Variants in MYH15 observed in about 807,000 individuals in gnomAD.
MYH15 encodes the protein myosin heavy chain 15, also known as myosin-15.
Under a neutral mutation model 240.5 loss-of-function variants are expected in MYH15, and 227 were observed. The observed-to-expected ratio is 0.94, with a 90% CI of 0.85 to 1.05. The LOEUF is 1.05. MYH15 is among the 50% of genes least tolerant of loss of function. MYH15 has a pLI of 0.00. For missense variants in MYH15, 2,217 were observed against 2,247.5 expected, an observed-to-expected ratio of 0.99 and a Z score of 0.27; for synonymous variants, 785 against 796.7, an observed-to-expected ratio of 0.99 and a Z score of 0.25.
At chr3:108,543,893 C>T in the MYH15 span, 1 of 152,146 alleles carries the variant, frequency 6.6e-6, no homozygotes, top group Admixed American at 6.5e-5. Context: ...TATGGTTCTC[C>T]TCCGAAGGAG....
At chr3:108,392,879 T>C (rs2107536685) in intron 36 of MYH15, among the ~76,000 whole-genome samples, 1 of 152,358 alleles carries the variant, frequency 6.6e-6, no homozygotes, top group East Asian at 1.9e-4. Flanking sequence ...ATGTTACACA[T>C]ATTTGTTCCC....
At position 108,463,136 on chromosome 3, in the gene MYH15, A is replaced by C. The variant is rs1321461145; in HGVS notation, c.1839T>G (p.Phe613Leu). The change falls in exon 16 of 41, where the codon TTT (phenylalanine) becomes TTG (leucine). Residue 613 changes from phenylalanine to leucine, a missense_variant. Coordinates refer to ENST00000693548, the MANE Select transcript of MYH15 (RefSeq NM_014981.3). ...CACTGTCAGTACTCATGTAATTTTC[A>C]AAAAGGCTCGCCAGGAGTCTGTTGG... ...KSSNRLLASL[F>L]ENYMSTDSAI... 1.5e-5 allele frequency: 24 copies of C among 1,611,450 alleles called. No individual in the cohort carries two copies. The highest frequency in any genetic ancestry group is 3.4e-5 in the Admixed American group (2 of 59,434).
intron 14 of MYH15, among the ~76,000 whole-genome samples, chr3:108,467,990 G>A (rs1440633777): frequency 1.7e-4 from 25 of 148,346 alleles, no homozygotes; most frequent in Non-Finnish European, 3.3e-4. Context: ...TTTTGAGATA[G>A]AATCTCACTC....
At chr3:108,412,623 T>C (rs746831885) in intron 30 of MYH15, among the ~76,000 whole-genome samples, 6 of 152,220 alleles carry the variant, frequency 3.9e-5, no homozygotes, top group Non-Finnish European at 8.8e-5. Context: ...CAACTACTAT[T>C]TTGCTCCTTA....
chr3:108,541,661 A>T, the MYH15 span, among the ~76,000 whole-genome samples: 1 of 152,138 alleles, frequency 6.6e-6, no homozygotes, highest in African/African-American at 2.4e-5. Flanking sequence ...GGTTATTTGT[A>T]AATGTACATA....
chr3:108,460,386 G>T lies in MYH15; in HGVS notation c.1865-19C>A. 7.2e-7 allele frequency: 1 copy of T among 1,390,304 alleles called. No individual in the cohort carries two copies. Among genetic ancestry groups the T allele is most frequent in the South Asian group, 1.4e-5 (1 of 72,920 alleles). The allele number at this position is 1,390,304 out of a possible 1,614,324, so 86.1% of individuals were successfully genotyped here. A position where few individuals can be genotyped will look rare whatever the true frequency, so the allele number is the denominator to read the frequency against. On this transcript the variant is annotated intron_variant, in intron 16 of 40. Transcript: ENST00000693548. The stretch of plus-strand genomic sequence containing the variant: ...GGTATAGCTAGCAAAAAAAAAAAAA[G>T]AAAAAGATGAAAACATGTAAAAAGC...
At chr3:108,449,478 C>T (rs1560377726) in intron 21 of MYH15, among the ~76,000 whole-genome samples, 1 of 151,946 alleles carries the variant, frequency 6.6e-6, no homozygotes, top group East Asian at 1.9e-4. Context: ...CAAAAACACA[C>T]AGTATGGAAA....
At chr3:108,393,232 A>G (rs2082433535) in intron 36 of MYH15, among the ~76,000 whole-genome samples, 1 of 152,166 alleles carries the variant, frequency 6.6e-6, no homozygotes, top group Admixed American at 6.5e-5. Flanking sequence ...TGTGCATTTG[A>G]TGGGCTGCAC....
chr3:108,451,064 A>AGC (rs1236058013), intron 21 of MYH15, among the ~76,000 whole-genome samples: 1 of 152,168 alleles, frequency 6.6e-6, no homozygotes, highest in African/African-American at 2.4e-5. Flanking sequence ...CTAGGAATAG[A>AGC]ATTAGAGATA....
chr3:108,413,632 T>C (rs1022550997), intron 30 of MYH15, among the ~76,000 whole-genome samples: 1 of 152,202 alleles, frequency 6.6e-6, no homozygotes, highest in Non-Finnish European at 1.5e-5. Flanking sequence ...CCCAAACTTG[T>C]GTAACTCCTA....
chr3:108,463,322 T>C (rs544979228), intron 15 of MYH15, 79 bp from the exon 16 acceptor site: 146 of 502,346 alleles, frequency 2.9e-4, no homozygotes, highest in South Asian at 2.4e-3. Context: ...GCATTACCCC[T>C]TTTTTTTTTT....
upstream of MYH15, among the ~76,000 whole-genome samples, chr3:108,514,724 G>C (rs1195559109): frequency 3.3e-5 from 5 of 152,108 alleles, no homozygotes; most frequent in Non-Finnish European, 7.4e-5. Flanking sequence ...AGCTTATACA[G>C]CCACGACTCC....
intron 35 of MYH15, among the ~76,000 whole-genome samples, chr3:108,398,369 GACAC>G (rs2082478078): frequency 6.6e-6 from 1 of 152,212 alleles, no homozygotes; most frequent in Non-Finnish European, 1.5e-5. Context: ...TGGCCCAGCT[GACAC>G]TTTGATTGCA....
intron 1 of MYH15, among the ~76,000 whole-genome samples, chr3:108,507,301 A>G (rs2083486432): frequency 7.4e-6 from 1 of 135,706 alleles, no homozygotes; most frequent in Non-Finnish European, 1.6e-5. Context: ...GAGCCTTAGT[A>G]GAAGCTCACA....
chr3:108,394,068 T>G lies in MYH15; in HGVS notation c.5222A>C (p.Gln1741Pro). The change falls in exon 36 of 41, where the codon CAA becomes CCA. Residue 1741 changes from glutamine (Q) to proline (P), a missense_variant. Transcript: ENST00000693548. ...KEAEEVVQEC[Q>P]NAEEKAKKAA... ...CTTCTTGGCCTTCTCTTCTGCATTT[T>G]GACACTCCTGCACCACCTCTTCAGC... 1 of 1,614,132 alleles carries G rather than the reference T, an allele frequency of 6.2e-7. No homozygotes were observed. Among genetic ancestry groups the G allele is most frequent in the Non-Finnish European group, 8.5e-7 (1 of 1,179,992 alleles).
chr3:108,534,392 T>A, the MYH15 span, among the ~76,000 whole-genome samples: 5 of 152,278 alleles, frequency 3.3e-5, no homozygotes, highest in Admixed American at 3.3e-4. Flanking sequence ...CCAATGACAT[T>A]TAAAGCTAAA....
chr3:108,425,940 C>T (rs991765498), intron 27 of MYH15, among the ~76,000 whole-genome samples: 1 of 152,120 alleles, frequency 6.6e-6, no homozygotes, highest in Non-Finnish European at 1.5e-5. Context: ...GACAGACCAT[C>T]CTTGTTACAA....
chr3:108,467,189 CT>C (rs2083127112), intron 14 of MYH15, among the ~76,000 whole-genome samples: 1 of 151,570 alleles, frequency 6.6e-6, no homozygotes, highest in Non-Finnish European at 1.5e-5. Flanking sequence ...AACTTGACTG[CT>C]TTGCTGTGAT....
upstream of MYH15, among the ~76,000 whole-genome samples, chr3:108,513,085 A>T (rs2083533365): frequency 6.6e-6 from 1 of 152,238 alleles, no homozygotes; most frequent in African/African-American, 2.4e-5. Flanking sequence ...GTCACAGCCC[A>T]GTCCTAGCAA....
Sources: gnomAD v4.1 joint callset for allele counts (sites outside exome capture counted in the v4.1 genomes callset) on GRCh38, gnomAD v4.1.1 for gene constraint, MANE v1.5 for transcripts, NCBI Gene and HGNC (gene_info 2026-07-23, HGNC 2026-07-21) for gene names.